The following LRMDA variants were observed in gnomAD, a reference collection of about 807,000 sequenced individuals.
LRMDA encodes leucine rich melanocyte differentiation associated.
Under a neutral mutation model 29.8 loss-of-function variants are expected in LRMDA, and 18 were observed. That is an observed-to-expected ratio of 0.60 (90% CI 0.42 to 0.90). LRMDA has a LOEUF of 0.90. Among genes scored for constraint, LRMDA ranks in the 40% least tolerant of loss-of-function variants. LRMDA has a pLI of 0.00. For missense variants in LRMDA, 273 were observed against 273.9 expected, an observed-to-expected ratio of 1.00 and a Z score of 0.02; for synonymous variants, 125 against 109.4, an observed-to-expected ratio of 1.14 and a Z score of -0.89.
At position 75,823,711 on chromosome 10, in the gene LRMDA, TG is replaced by T. The variant is rs1215661620; in HGVS notation, c.132-212296del. Among the ~76,000 whole-genome samples, 124 of 151,582 alleles carry T rather than the reference TG, an allele frequency of 8.2e-4. 1 individual carries two copies. Among genetic ancestry groups the T allele is most frequent in the African/African-American group, 2.9e-3 (120 of 41,390 alleles). ...GTGTGTGTGTGTGTGTGTGTGTGTG[TG>T]TGTGTGTGTGTGTGTGTACACAGAC... On this transcript the variant is annotated intron_variant, in intron 2 of 6. Transcript: ENST00000611255.
intron 5 of LRMDA, among the ~76,000 whole-genome samples, chr10:76,204,487 A>G (rs1043479941): frequency 4.6e-5 from 7 of 152,236 alleles, no homozygotes; most frequent in African/African-American, 1.7e-4. Context: ...TAAGGTGCTT[A>G]ACTTCTTTAA....
intron 2 of LRMDA, among the ~76,000 whole-genome samples, chr10:76,024,708 T>C (rs1272591630): frequency 6.6e-6 from 1 of 152,102 alleles, no homozygotes; most frequent in Non-Finnish European, 1.5e-5. Context: ...GCCCTTGGGG[T>C]CCCTGGGGCT....
intron 6 of LRMDA, among the ~76,000 whole-genome samples, chr10:76,504,928 A>G (rs1480942047): frequency 6.6e-6 from 1 of 151,964 alleles, no homozygotes; most frequent in Non-Finnish European, 1.5e-5. Flanking sequence ...TTTTTGTGGT[A>G]GCAGGTATCA....
intron 6 of LRMDA, among the ~76,000 whole-genome samples, chr10:76,529,912 T>G (rs1589226613): frequency 1.3e-5 from 2 of 152,290 alleles, no homozygotes; most frequent in East Asian, 1.9e-4. Flanking sequence ...CCAATAGGTT[T>G]GACTTTGTTG....
chr10:75,740,229 AG>A (rs1434459245), intron 2 of LRMDA, among the ~76,000 whole-genome samples: 3 of 152,164 alleles, frequency 2.0e-5, no homozygotes, highest in African/African-American at 2.4e-5. Flanking sequence ...TAGATGATGG[AG>A]GTGCGATGTT....
intron 5 of LRMDA, among the ~76,000 whole-genome samples, chr10:76,062,483 T>C (rs1416949866): frequency 6.6e-6 from 1 of 152,122 alleles, no homozygotes; most frequent in Non-Finnish European, 1.5e-5. Context: ...TGAGTGCAAG[T>C]CCTCACTCCC....
chr10:75,431,805 G>T, intron 1 of LRMDA, 51 bp downstream of exon 1: 1 of 1,301,912 alleles, frequency 7.7e-7, no homozygotes. Context: ...CGCGTGGGGA[G>T]GGACAGCGGG....
intron 5 of LRMDA, among the ~76,000 whole-genome samples, chr10:76,314,556 T>C (rs141745527): frequency 6.6e-6 from 1 of 152,372 alleles, no homozygotes; most frequent in East Asian, 1.9e-4. Flanking sequence ...GGAAAGTGAC[T>C]GCACATCATT....
chr10:76,047,780 A>G (rs1189660412), intron 4 of LRMDA, among the ~76,000 whole-genome samples: 1 of 152,178 alleles, frequency 6.6e-6, no homozygotes, highest in East Asian at 1.9e-4. Flanking sequence ...TTGAAGAGAG[A>G]GATGACTTCC....
intron 5 of LRMDA, among the ~76,000 whole-genome samples, chr10:76,163,015 T>G (rs892478568): frequency 3.3e-5 from 5 of 152,192 alleles, no homozygotes; most frequent in Admixed American, 3.3e-4. Context: ...AAAGAACAAA[T>G]CACAGATCCT....
chr10:75,727,269 A>G lies in LRMDA; in HGVS notation c.131+288775A>G, dbSNP rs1842642325. On this transcript the variant is annotated intron_variant, in intron 2 of 6. Coordinates refer to ENST00000611255, the MANE Select transcript of LRMDA (RefSeq NM_001305581.2). ...TCAGTTAAAAAGCGTAGGAGATATGAAAGGTCAGCATGACAAATCTGTCCT... is the reference window on the plus strand; with the variant it reads ...TCAGTTAAAAAGCGTAGGAGATATGGAAGGTCAGCATGACAAATCTGTCCT... 2.0e-5 allele frequency among the ~76,000 whole-genome samples: 3 copies of G among 152,268 alleles called. No homozygotes were observed. The South Asian group carries it at 6.2e-4, about 32-fold the overall frequency.
At chr10:75,934,937 C>T (rs1846262694) in intron 2 of LRMDA, among the ~76,000 whole-genome samples, 1 of 152,158 alleles carries the variant, frequency 6.6e-6, no homozygotes, top group South Asian at 2.1e-4. Context: ...TTGAGTCCAT[C>T]AGCGGAGATT....
rs76360740 is a variant in LRMDA at position 75,962,408 on chromosome 10, G to A, written c.132-73600G>A. 0.011 allele frequency among the ~76,000 whole-genome samples: 1,714 copies of A among 152,254 alleles called. 51 individuals are homozygous for A. The East Asian group carries it at 0.12, about 11-fold the overall frequency. ...CTCAGGCCTTAACTTAGCATTACTG[G>A]ATCACAAACTCTTTGGTGGGGGCTC... is the stretch of plus-strand genomic sequence containing the variant. On this transcript the variant is annotated intron_variant, in intron 2 of 6. Coordinates refer to ENST00000611255, the MANE Select transcript of LRMDA (RefSeq NM_001305581.2).
rs1336361128 is a variant in LRMDA, at chr10:76,085,770, T to C, written c.516+26987T>C. Among the ~76,000 whole-genome samples, 4 of 152,196 alleles carry C rather than the reference T, an allele frequency of 2.6e-5. No homozygotes were observed. In the South Asian group the frequency reaches 8.3e-4, roughly 32 times the overall value. On this transcript the variant is annotated intron_variant, in intron 5 of 6. Transcript: ENST00000611255. ...GGGAAGACTTGGCCTCAGGTGTTTG[T>C]TTCCATGTAAGCTAAACATAGCCAT...
At chr10:75,798,339 T>G (rs1393816342) in intron 2 of LRMDA, among the ~76,000 whole-genome samples, 1 of 152,088 alleles carries the variant, frequency 6.6e-6, no homozygotes, top group Non-Finnish European at 1.5e-5. Context: ...ACTTAACCAC[T>G]TTTTGCTTTT....
chr10:75,554,127 C>T (rs973569160), intron 2 of LRMDA, among the ~76,000 whole-genome samples: 1 of 152,158 alleles, frequency 6.6e-6, no homozygotes, highest in Non-Finnish European at 1.5e-5. Flanking sequence ...GCAACCTCAG[C>T]TCTCTGATGG....
chr10:76,455,685 G>A (rs1320823262), intron 6 of LRMDA, among the ~76,000 whole-genome samples: 1 of 152,184 alleles, frequency 6.6e-6, no homozygotes, highest in African/African-American at 2.4e-5. Context: ...CCGGTTAGCA[G>A]CAGATGAAAG....
At chr10:76,235,125 G>A (rs532884021) in intron 5 of LRMDA, among the ~76,000 whole-genome samples, 6 of 152,178 alleles carry the variant, frequency 3.9e-5, no homozygotes, top group African/African-American at 9.6e-5. Flanking sequence ...AGCCATTGTA[G>A]AGTTATAAAT....
chr10:76,039,620 A>G (rs561244688), intron 3 of LRMDA, among the ~76,000 whole-genome samples: 30 of 152,344 alleles, frequency 2.0e-4, no homozygotes, highest in African/African-American at 6.7e-4. Flanking sequence ...AAGAGGGATT[A>G]TCACATAGTG....
Sources: gnomAD v4.1 joint callset for allele counts (sites outside exome capture counted in the v4.1 genomes callset) on GRCh38, gnomAD v4.1.1 for gene constraint, MANE v1.5 for transcripts, NCBI Gene and HGNC (gene_info 2026-07-23, HGNC 2026-07-21) for gene names.